CPO: variants seen among roughly 807,000 people sequenced by gnomAD.
The protein encoded by CPO is metallocarboxypeptidase C.
Under a neutral mutation model 41.2 loss-of-function variants are expected in CPO, and 43 were observed. The observed-to-expected ratio is 1.04, with a 90% CI of 0.82 to 1.35. The LOEUF (loss-of-function observed/expected upper bound fraction) is 1.35. Ranked by LOEUF, CPO falls within the 40% of genes most tolerant of loss-of-function variation. CPO has a pLI of 0.00. For synonymous variants in CPO, 178 were observed against 162.7 expected (o/e 1.09, Z -0.72); for missense variants, 408 against 451.7 (o/e 0.90, Z 0.88).
intron 6 of CPO, among the ~76,000 whole-genome samples, chr2:206,961,289 C>A (rs1693474505): frequency 6.6e-6 from 1 of 152,104 alleles, no homozygotes; most frequent in South Asian, 2.1e-4. Flanking sequence ...TAGCAGGGGG[C>A]AGGCAGTAAA....
intron 1 of CPO, among the ~76,000 whole-genome samples, chr2:206,941,167 A>G (rs894480017): frequency 4.6e-5 from 7 of 152,006 alleles, no homozygotes; most frequent in Admixed American, 3.3e-4. Context: ...AAAGAGTTTT[A>G]TGCAGCTCTG....
At chr2:206,956,888 T>C (rs1693377411) in intron 3 of CPO, among the ~76,000 whole-genome samples, 1 of 152,196 alleles carries the variant, frequency 6.6e-6, no homozygotes, top group Non-Finnish European at 1.5e-5. Flanking sequence ...GGTTGATGTA[T>C]TAAGCATGGG....
chr2:206,947,200 G>A (rs7566213), intron 1 of CPO, among the ~76,000 whole-genome samples: 11,533 of 152,098 alleles, frequency 0.076, 965 homozygotes, highest in African/African-American at 0.2. Flanking sequence ...AATCAAGACA[G>A]GTGTTATTGG....
intron 2 of CPO, 64 bp downstream of exon 2, chr2:206,949,777 A>G: frequency 2.0e-6 from 2 of 996,460 alleles, no homozygotes; most frequent in South Asian, 2.6e-5. Flanking sequence ...TGGGCAAAGA[A>G]TGGTTCACTA....
intron 6 of CPO, 94 bp downstream of exon 6, chr2:206,961,036 A>T: frequency 1.1e-6 from 1 of 893,126 alleles, no homozygotes; most frequent in South Asian, 1.4e-5. Context: ...TGAAAATAAC[A>T]TCTAATATGG....
intron 7 of CPO, among the ~76,000 whole-genome samples, chr2:206,968,039 G>A (rs1693618151): frequency 6.6e-6 from 1 of 152,192 alleles, no homozygotes; most frequent in African/African-American, 2.4e-5. Flanking sequence ...TGCAAGCCCA[G>A]AAATATGAAA....
chr2:206,953,295 A>G (rs138006590), intron 2 of CPO, among the ~76,000 whole-genome samples: 19 of 152,340 alleles, frequency 1.2e-4, no homozygotes, highest in Admixed American at 1.2e-3. Context: ...TGTAAAATCA[A>G]AAGCAAGTTA....
At chr2:206,949,391 G>A (rs984096763) in intron 1 of CPO, among the ~76,000 whole-genome samples, 3 of 152,150 alleles carry the variant, frequency 2.0e-5, no homozygotes, top group East Asian at 1.9e-4. Context: ...CTGCAAGGTT[G>A]GAATAATTGT....
rs563291689 is a variant in CPO, at chr2:206,950,969, T to C, written c.165+1256T>C. 2.0e-5 allele frequency among the ~76,000 whole-genome samples: 3 copies of C among 151,978 alleles called. No individual in the cohort carries two copies. The South Asian group carries it at 6.2e-4, about 32-fold the overall frequency. On this transcript the variant is annotated intron_variant, in intron 2 of 8. Transcript: ENST00000272852. ...GGGGGAGGGATAGCATTAGGAGAAATACCTAATGTAAATGACAAGTTGATG... is the reference window on the plus strand; with the variant it reads ...GGGGGAGGGATAGCATTAGGAGAAACACCTAATGTAAATGACAAGTTGATG...
intron 1 of CPO, among the ~76,000 whole-genome samples, chr2:206,941,876 G>A (rs1294619111): frequency 1.3e-5 from 2 of 152,020 alleles, no homozygotes; most frequent in Admixed American, 6.6e-5. Context: ...TCCTGAAAAA[G>A]TGTAACTCTG....
At chr2:206,940,372 C>G (rs2105816507) in intron 1 of CPO, among the ~76,000 whole-genome samples, 1 of 152,152 alleles carries the variant, frequency 6.6e-6, no homozygotes, top group South Asian at 2.1e-4. Context: ...CCCAATTACC[C>G]TCTAGAAAGA....
At chr2:206,960,752 C>T (rs1287632668) in intron 5 of CPO, 100 bp from the exon 6 acceptor site, 7 of 860,264 alleles carry the variant, frequency 8.1e-6, no homozygotes, top group African/African-American at 1.7e-5. Flanking sequence ...TCCAGATAAT[C>T]CTAGGAAACA....
intron 5 of CPO, 89 bp from the exon 6 acceptor site, chr2:206,960,762 AT>A (rs1433428386): frequency 6.5e-6 from 6 of 926,252 alleles, no homozygotes; most frequent in Non-Finnish European, 7.1e-6. Flanking sequence ...CCTAGGAAAC[AT>A]TTTTCATGTT....
rs147981759 is a variant in CPO, at chr2:206,943,115, A to G, written c.68+3448A>G. Among the ~76,000 whole-genome samples, 28 of 152,270 alleles carry G rather than the reference A, an allele frequency of 1.8e-4. No homozygotes were observed. The East Asian group carries it at 4.1e-3, about 22-fold the overall frequency. On this transcript the variant is annotated intron_variant, in intron 1 of 8. Transcript: ENST00000272852. ...GGCATTGCCAGGGAATCCCAGCCCA[A>G]TTGAAACAAGAATGCACCAGGTGCA...
At chr2:206,967,923 A>G (rs1476421967) in intron 7 of CPO, among the ~76,000 whole-genome samples, 2 of 152,224 alleles carry the variant, frequency 1.3e-5, no homozygotes, top group African/African-American at 2.4e-5. Flanking sequence ...TTTCAGAGGT[A>G]GAGTCTGACA....
Position 206,962,546 on chromosome 2 carries a change from T to C in CPO, c.709T>C (p.Ser237Pro), listed in dbSNP as rs370258208. The C allele has an allele frequency of 3.1e-6, 5 of 1,614,150 alleles. No homozygotes were observed. The highest frequency in any genetic ancestry group is 4.2e-6 in the Non-Finnish European group (5 of 1,179,998). The change falls in exon 7 of 9, where the codon TCT becomes CCT. Residue 237 changes from serine to proline, a missense_variant. Transcript: ENST00000272852. ...TATTTTGTGCTTCCTGACCATGCAC[T>C]CTTATGGGCAGTTAATTCTCACACC... ...DDILCFLTMH[S>P]YGQLILTPYG...
At chr2:206,953,822 A>C (rs1693310457) in intron 2 of CPO, among the ~76,000 whole-genome samples, 2 of 152,198 alleles carry the variant, frequency 1.3e-5, no homozygotes, top group Non-Finnish European at 2.9e-5. Flanking sequence ...CCAGACATTT[A>C]CATACATCAT....
At position 206,968,300 on chromosome 2, in the gene CPO, C is replaced by A. The variant is rs182990143; in HGVS notation, c.815C>A (p.Ala272Glu). Residue 272 changes from alanine (A) to glutamate (E), a missense_variant, in exon 8 of 9, where the codon GCA becomes GAA. Transcript: ENST00000272852. ...CAGAAGGCAGCAAATGCATTGAAAGCAAAGTATGGAACCAATTATAGAGTT... is the reference window on the plus strand; with the variant it reads ...CAGAAGGCAGCAAATGCATTGAAAGAAAAGTATGGAACCAATTATAGAGTT... ...VGQKAANALK[A>E]KYGTNYRVGS... 1.6e-5 allele frequency: 26 copies of A among 1,612,506 alleles called. No homozygotes were observed. In the East Asian group the frequency reaches 5.6e-4, roughly 35 times the overall value.
rs906513630 is a variant in CPO, at chr2:206,958,739, T to G, written c.372+334T>G. On this transcript the variant is annotated intron_variant, in intron 4 of 8. Transcript: ENST00000272852. ...TGGCAAATTTTCTAGTTTTTTTTTTTTTTTTTTTTTTTTTTTTTTAAGACA... is the reference window on the plus strand; with the variant it reads ...TGGCAAATTTTCTAGTTTTTTTTTTGTTTTTTTTTTTTTTTTTTTAAGACA... Among the ~76,000 whole-genome samples, 14 of 142,630 alleles carry G rather than the reference T, an allele frequency of 9.8e-5. No individual in the cohort carries two copies. In the South Asian group the frequency reaches 2.8e-3, roughly 28 times the overall value. 93.6% of individuals were successfully genotyped at this position (142,630 alleles called of 152,430 possible).
Sources: gnomAD v4.1 joint callset for allele counts (sites outside exome capture counted in the v4.1 genomes callset) on GRCh38, gnomAD v4.1.1 for gene constraint, MANE v1.5 for transcripts, NCBI Gene and HGNC (gene_info 2026-07-23, HGNC 2026-07-21) for gene names.